Variants in ZNF841 observed in about 807,000 individuals in gnomAD.
ZNF841 encodes zinc finger protein 841, also known as TCONS_00006091.
A neutral mutation model predicts 13.0 loss-of-function variants in ZNF841; 11 were observed. The ratio of observed to expected loss-of-function variants is 0.85; its 90% confidence interval spans 0.53 to 1.40. The LOEUF (loss-of-function observed/expected upper bound fraction) is 1.40, where lower values mean the gene tolerates loss of function less well. ZNF841 is among the 40% of genes most tolerant of loss of function. The pLI, the probability that ZNF841 is intolerant of heterozygous loss-of-function variation, is 0.00. For synonymous variants in ZNF841, 369 were observed against 381.6 expected (o/e 0.97, Z 0.38); for missense variants, 1,068 against 1,139.5 (o/e 0.94, Z 0.90).
At position 52,066,630 on chromosome 19, in the gene ZNF841, C is replaced by A. The variant is rs1344296827; in HGVS notation, c.1252G>T (p.Ala418Ser). Residue 418 changes from alanine to serine, a missense_variant, in exon 7 of 7, where the codon GCA (alanine) becomes TCA (serine). Transcript: ENST00000594440. ...KTFKRNSSLT[A>S]HHIIHAGKKP... is the part of the protein sequence containing the mutation. ...TTTCCTGCATGGATTATATGATGTG[C>A]AGTGAGGCTTGAGTTCCGTTTAAAG... 3.1e-6 allele frequency: 5 copies of A among 1,613,370 alleles called. No homozygotes were observed. Among genetic ancestry groups the A allele is most frequent in the Non-Finnish European group, 4.2e-6 (5 of 1,179,728 alleles).
At chr19:52,063,092 G>T (rs1055979408), downstream of ZNF841, among the ~76,000 whole-genome samples, 1 of 152,086 alleles carries the variant, frequency 6.6e-6, no homozygotes, top group Non-Finnish European at 1.5e-5. Context: ...AGCCAGGATG[G>T]TCTCGATTTC....
chr19:52,061,952 G>A (rs563381437), downstream of ZNF841, among the ~76,000 whole-genome samples: 1 of 152,138 alleles, frequency 6.6e-6, no homozygotes, highest in African/African-American at 2.4e-5. Flanking sequence ...AGCAAACACT[G>A]GGGACCCTAC....
chr19:52,082,186 C>T (rs1400604945), intron 4 of ZNF841, among the ~76,000 whole-genome samples: 1 of 152,098 alleles, frequency 6.6e-6, no homozygotes, highest in Non-Finnish European at 1.5e-5. Context: ...GACTGACAAA[C>T]TCAATTCTTA....
Position 52,076,980 on chromosome 19 carries a change from G to C in ZNF841, c.120C>G (p.Asn40Lys), listed in dbSNP as rs759010860. The change falls in exon 5 of 7, where the codon AAC (asparagine) becomes AAG (lysine). Residue 40 changes from asparagine (N) to lysine (K), a missense_variant. Coordinates refer to ENST00000594440, the MANE Select transcript of ZNF841 (RefSeq NM_001136499.2). ...CACCCAGGAAGCCGAGGTTCCTGTA[G>C]TTCTCCAACATCACGTCCCTGTACA... The part of the protein sequence containing the change: ...KALYRDVMLE[N>K]YRNLGFLGLC... 1.2e-6 allele frequency: 2 copies of C among 1,613,218 alleles called. No homozygotes were observed. Among genetic ancestry groups the C allele is most frequent in the Admixed American group, 3.3e-5 (2 of 59,998 alleles).
chr19:52,083,903 C>T (rs2088184987), intron 4 of ZNF841, among the ~76,000 whole-genome samples: 1 of 151,404 alleles, frequency 6.6e-6, no homozygotes, highest in Non-Finnish European at 1.5e-5. Flanking sequence ...TTATTCCCTA[C>T]CATCCTTATG....
chr19:52,077,110 T>C (rs1030254423), intron 4 of ZNF841, 26 bp from the exon 5 acceptor site: 26 of 1,594,824 alleles, frequency 1.6e-5, no homozygotes, highest in Admixed American at 8.7e-5. Flanking sequence ...CATTTCAATA[T>C]GAGCAGTGGG....
chr19:52,059,370 A>AAAAATATATATATATAT, the ZNF841 span, among the ~76,000 whole-genome samples: 2 of 69,642 alleles, frequency 2.9e-5, no homozygotes, highest in East Asian at 3.9e-4. Context: ...AAAAAAAAAA[A>AAAAATATATATATATAT]ATATATATAT....
Position 52,064,949 on chromosome 19 carries a change from G to T in ZNF841, c.*158C>A. 1 of 576,072 alleles carries T rather than the reference G, an allele frequency of 1.7e-6. No individual in the cohort carries two copies. The highest frequency in any genetic ancestry group is 2.9e-6 in the Non-Finnish European group (1 of 340,808). 35.7% of individuals were successfully genotyped at this position (576,072 alleles called of 1,614,324 possible). ...CCTCATGAGAACTATCACAAGGACA[G>T]CAACAAGGGGATGGTACTAAAACTT... On this transcript the variant is annotated 3_prime_UTR_variant, in exon 7 of 7. Transcript: ENST00000594440.
At chr19:52,078,286 A>G (rs955696690) in intron 4 of ZNF841, among the ~76,000 whole-genome samples, 6 of 151,566 alleles carry the variant, frequency 4.0e-5, no homozygotes, top group African/African-American at 1.5e-4. Flanking sequence ...ACCCCATCTC[A>G]AAAACAAAGA....
intron 5 of ZNF841, 38 bp downstream of exon 5, chr19:52,076,920 A>G (rs773153960): frequency 5.0e-6 from 8 of 1,605,884 alleles, no homozygotes; most frequent in Non-Finnish European, 6.8e-6. Context: ...AAAATGCACA[A>G]GGGAAGATCC....
At chr19:52,079,431 T>TAAAAAAAAAAAAAA (rs35306980) in intron 4 of ZNF841, among the ~76,000 whole-genome samples, 4 of 83,204 alleles carry the variant, frequency 4.8e-5, no homozygotes, top group East Asian at 3.0e-4. Context: ...AGGAAATCTG[T>TAAAAAAAAAAAAAA]AAAAAAAAAA....
chr19:52,064,051 T>A (rs2087450637), downstream of ZNF841, among the ~76,000 whole-genome samples: 1 of 151,864 alleles, frequency 6.6e-6, no homozygotes, highest in African/African-American at 2.4e-5. Flanking sequence ...GCTTAAAACT[T>A]AGCTATATTC....
At chr19:52,070,482 A>G (rs556698978) in intron 6 of ZNF841, among the ~76,000 whole-genome samples, 1 of 152,208 alleles carries the variant, frequency 6.6e-6, no homozygotes, top group African/African-American at 2.4e-5. Context: ...GTAGGCTTGC[A>G]AGACTGCATT....
intron 4 of ZNF841, among the ~76,000 whole-genome samples, chr19:52,079,270 T>C (rs994983630): frequency 1.3e-5 from 2 of 152,100 alleles, no homozygotes; most frequent in Non-Finnish European, 2.9e-5. Context: ...AGTTTATTCG[T>C]TTATTCCACC....
chr19:52,080,704 G>A lies in ZNF841; in HGVS notation c.16-3620C>T, dbSNP rs892786083. 3.9e-5 allele frequency among the ~76,000 whole-genome samples: 6 copies of A among 152,166 alleles called. No homozygotes were observed. In the South Asian group the frequency reaches 1.0e-3, roughly 26 times the overall value. Reference sequence around the variant, plus strand: ...ACAGCTTACTGTAGCACCAAAGTCTGCAATATCAAAGACAGACAACAGGGG... The same window carrying A: ...ACAGCTTACTGTAGCACCAAAGTCTACAATATCAAAGACAGACAACAGGGG... On this transcript the variant is annotated intron_variant, in intron 4 of 6. Transcript: ENST00000594440.
rs2087495301 is a variant in ZNF841 at position 52,065,048 on chromosome 19, T to C, written c.*59A>G. 7.2e-7 allele frequency: 1 copy of C among 1,384,560 alleles called. No individual in the cohort carries two copies. Among genetic ancestry groups the C allele is most frequent in the African/African-American group, 1.5e-5 (1 of 68,212 alleles). 85.8% of individuals were successfully genotyped at this position (1,384,560 alleles called of 1,614,324 possible). ...CCTCCAATACTGGAGATTACTACAA[T>C]TCCACATGAGACTTCAAAGGGAAAG... On this transcript the variant is annotated 3_prime_UTR_variant, in exon 7 of 7. Coordinates refer to ENST00000594440, the MANE Select transcript of ZNF841 (RefSeq NM_001136499.2).
At position 52,084,881 on chromosome 19, in the gene ZNF841, G is replaced by A; in HGVS notation, c.-77-3C>T. ...AATTAATTCTTTAAAAGTCAAATCT[G>A]AAAGTCAAAAATATGTTGTTTAATC... On this transcript the variant is annotated splice_polypyrimidine_tract_variant and splice_region_variant and intron_variant, in intron 3 of 6. Coordinates refer to ENST00000594440, the MANE Select transcript of ZNF841 (RefSeq NM_001136499.2). 1.4e-6 allele frequency: 2 copies of A among 1,458,230 alleles called. No individual in the cohort carries two copies. Among genetic ancestry groups the A allele is most frequent in the Admixed American group, 2.2e-5 (1 of 44,844 alleles). 90.3% of individuals were successfully genotyped at this position (1,458,230 alleles called of 1,614,324 possible). A position where few individuals can be genotyped will look rare whatever the true frequency, so the allele number is the denominator to read the frequency against.
rs184950139 is a variant in ZNF841 at position 52,093,386 on chromosome 19, A to G, written c.-144+460T>C. Among the ~76,000 whole-genome samples the G allele has an allele frequency of 1.3e-3, 197 of 152,350 alleles. 1 individual carries two copies. Among genetic ancestry groups the G allele is most frequent in the Non-Finnish European group, 2.6e-4 (18 of 68,032 alleles). On this transcript the variant is annotated intron_variant, in intron 2 of 6. Coordinates refer to ENST00000594440, the MANE Select transcript of ZNF841 (RefSeq NM_001136499.2). ...ACAGACACTAAAAGACAATTACTGT[A>G]TGACCTCACAAGTGGAATCTAAAAA... is the stretch of plus-strand genomic sequence containing the variant.
rs572224967 is a variant in ZNF841 at position 52,090,709 on chromosome 19, G to A, written c.-143-1707C>T. Among the ~76,000 whole-genome samples the A allele has an allele frequency of 2.0e-3, 261 of 132,304 alleles. 3 individuals are homozygous for A. The highest frequency in any genetic ancestry group is 0.019 in the Admixed American group (237 of 12,656). 86.8% of individuals were successfully genotyped at this position (132,304 alleles called of 152,430 possible). ...AAAGAAAGAAAGAAAGAAAGAAAGA[G>A]AAAGAAAGAAAGAAAAAAGAAAGGA... On this transcript the variant is annotated intron_variant, in intron 2 of 6. Coordinates refer to ENST00000594440, the MANE Select transcript of ZNF841 (RefSeq NM_001136499.2).
Sources: allele counts gnomAD v4.1 joint callset (sites outside exome capture counted in the v4.1 genomes callset), GRCh38; gene constraint gnomAD v4.1.1; transcripts MANE v1.5; gene names NCBI Gene and HGNC (gene_info 2026-07-23, HGNC 2026-07-21).